Variants in RASAL2 observed in about 807,000 individuals in gnomAD.
RASAL2 encodes ras GTPase-activating protein nGAP.
Under a neutral mutation model 128.9 loss-of-function variants are expected in RASAL2, and 58 were observed. That is an observed-to-expected ratio of 0.45 (90% confidence interval 0.36 to 0.56). The LOEUF (loss-of-function observed/expected upper bound fraction) is 0.56. RASAL2 is among the 20% of genes least tolerant of loss of function. RASAL2 has a pLI of 0.00. For missense variants in RASAL2, 1,360 were observed against 1,601.6 expected, an observed-to-expected ratio of 0.85 and a Z score of 2.57; for synonymous variants, 561 against 580.8, an observed-to-expected ratio of 0.97 and a Z score of 0.49.
At chr1:178,121,856 A>G (rs771105663) in intron 1 of RASAL2, among the ~76,000 whole-genome samples, 5 of 152,068 alleles carry the variant, frequency 3.3e-5, no homozygotes, top group South Asian at 2.1e-4. Flanking sequence ...TACTCTGTGT[A>G]TAGCTTAAAA....
chr1:178,290,634 A>G (rs1028818454), intron 2 of RASAL2, among the ~76,000 whole-genome samples: 2 of 152,182 alleles, frequency 1.3e-5, no homozygotes, highest in Non-Finnish European at 2.9e-5. Flanking sequence ...ATTTTATGTT[A>G]TATAAATTTT....
At chr1:178,418,155 T>TCTGC (rs1304026276) in intron 4 of RASAL2, among the ~76,000 whole-genome samples, 1 of 152,190 alleles carries the variant, frequency 6.6e-6, no homozygotes, top group Non-Finnish European at 1.5e-5. Context: ...GCTATGCAGT[T>TCTGC]GAAAAATTTC....
At position 178,467,493 on chromosome 1, in the gene RASAL2, C is replaced by T. The variant is rs1398892120; in HGVS notation, c.3678+72C>T. ...ATTATTTCCTGACTTCACACCCTTG[C>T]AAATGCCAAGGCAGGTACCCAAAAA... On this transcript the variant is annotated intron_variant, in intron 17 of 17. Coordinates refer to ENST00000367649, the MANE Select transcript of RASAL2 (RefSeq NM_170692.4). 5 of 1,361,916 alleles carry T rather than the reference C, an allele frequency of 3.7e-6. No homozygotes were observed. The African/African-American group carries it at 4.3e-5, about 12-fold the overall frequency. 84.4% of individuals were successfully genotyped at this position (1,361,916 alleles called of 1,614,324 possible).
chr1:178,277,663 T>C (rs1488511819), intron 1 of RASAL2, among the ~76,000 whole-genome samples: 1 of 152,232 alleles, frequency 6.6e-6, no homozygotes, highest in African/African-American at 2.4e-5. Context: ...GATCTATCCT[T>C]CCACAACAGT....
At chr1:178,321,805 A>G (rs944826871) in intron 3 of RASAL2, among the ~76,000 whole-genome samples, 8 of 151,654 alleles carry the variant, frequency 5.3e-5, no homozygotes, top group East Asian at 2.0e-4. Flanking sequence ...CCTGACCAAC[A>G]TGGTGAAACC....
intron 12 of RASAL2, 99 bp from the exon 13 acceptor site, chr1:178,456,622 C>T (rs1677791913): frequency 7.7e-7 from 1 of 1,290,602 alleles, no homozygotes. Flanking sequence ...TCCCTCCAAC[C>T]TACACCCCTC....
At chr1:178,296,869 A>G (rs1667534534) in intron 2 of RASAL2, among the ~76,000 whole-genome samples, 1 of 150,894 alleles carries the variant, frequency 6.6e-6, no homozygotes, top group Admixed American at 6.6e-5. Context: ...ATGGGGTTTC[A>G]CCATGTTGGT....
At chr1:178,384,178 G>A (rs1416250008) in intron 3 of RASAL2, among the ~76,000 whole-genome samples, 3 of 152,118 alleles carry the variant, frequency 2.0e-5, no homozygotes, top group Non-Finnish European at 4.4e-5. Context: ...ATTGGTTCAG[G>A]TTGCCATTAA....
chr1:178,227,734 A>C (rs925637503), intron 1 of RASAL2, among the ~76,000 whole-genome samples: 1 of 152,242 alleles, frequency 6.6e-6, no homozygotes, highest in Non-Finnish European at 1.5e-5. Flanking sequence ...AACCAGAATG[A>C]TTCTTAAAGC....
At chr1:178,365,827 G>T (rs536237551) in intron 3 of RASAL2, among the ~76,000 whole-genome samples, 1 of 152,174 alleles carries the variant, frequency 6.6e-6, no homozygotes, top group South Asian at 2.1e-4. Flanking sequence ...TCACAATAGT[G>T]TATTGAATGT....
At chr1:178,334,230 T>G (rs1034384918) in intron 3 of RASAL2, among the ~76,000 whole-genome samples, 1 of 152,228 alleles carries the variant, frequency 6.6e-6, no homozygotes, top group Non-Finnish European at 1.5e-5. Flanking sequence ...AAGTTATTTT[T>G]CTTATTTAAT....
intron 1 of RASAL2, among the ~76,000 whole-genome samples, chr1:178,241,968 C>CA (rs1664518401): frequency 6.6e-6 from 1 of 152,202 alleles, no homozygotes; most frequent in Non-Finnish European, 1.5e-5. Flanking sequence ...ATGCAGGGAG[C>CA]ACTGGTCAGA....
intron 1 of RASAL2, among the ~76,000 whole-genome samples, chr1:178,214,096 A>G (rs768698656): frequency 6.6e-6 from 1 of 152,052 alleles, no homozygotes; most frequent in Non-Finnish European, 1.5e-5. Flanking sequence ...CTACAAAAGC[A>G]AGACAAGACA....
chr1:178,202,411 A>C lies in RASAL2; in HGVS notation c.203-81153A>C, dbSNP rs563928097. Among the ~76,000 whole-genome samples the C allele has an allele frequency of 2.0e-5, 3 of 152,350 alleles. No individual in the cohort carries two copies. In the East Asian group the frequency reaches 5.8e-4, roughly 29 times the overall value. ...GCCTGGTTCACAGATGGTTCTGCAC[A>C]ATATGCAGGCACCACCTGAAAGTGG... On this transcript the variant is annotated intron_variant, in intron 1 of 17. Coordinates refer to ENST00000367649, the MANE Select transcript of RASAL2 (RefSeq NM_170692.4).
intron 5 of RASAL2, among the ~76,000 whole-genome samples, chr1:178,424,232 G>GA (rs1675357823): frequency 6.7e-6 from 1 of 150,068 alleles, no homozygotes; most frequent in Non-Finnish European, 1.5e-5. Flanking sequence ...TTTTTTTTTG[G>GA]TTTTTTTTGT....
intron 1 of RASAL2, among the ~76,000 whole-genome samples, chr1:178,258,738 C>T (rs1365312431): frequency 1.3e-5 from 2 of 152,166 alleles, no homozygotes; most frequent in Admixed American, 1.3e-4. Flanking sequence ...CTAAATCACT[C>T]AGCAATTCCA....
intron 1 of RASAL2, among the ~76,000 whole-genome samples, chr1:178,254,354 A>G (rs1006858358): frequency 2.6e-5 from 4 of 152,208 alleles, no homozygotes; most frequent in Non-Finnish European, 4.4e-5. Flanking sequence ...CATAACTGTA[A>G]TTACATGCAC....
intron 1 of RASAL2, among the ~76,000 whole-genome samples, chr1:178,200,705 G>C (rs1478489474): frequency 6.6e-6 from 1 of 152,138 alleles, no homozygotes; most frequent in Non-Finnish European, 1.5e-5. Flanking sequence ...ATTAAAGTGA[G>C]GGCATTTACT....
chr1:178,318,210 C>G (rs1408360925), intron 3 of RASAL2, among the ~76,000 whole-genome samples: 3 of 150,162 alleles, frequency 2.0e-5, no homozygotes, highest in African/African-American at 7.3e-5. Flanking sequence ...GCTTTACTTC[C>G]AACTATGTGG....
Sources: gnomAD v4.1 joint callset for allele counts (sites outside exome capture counted in the v4.1 genomes callset) on GRCh38, gnomAD v4.1.1 for gene constraint, MANE v1.5 for transcripts, NCBI Gene and HGNC (gene_info 2026-07-23, HGNC 2026-07-21) for gene names.